Variants in AMZ2 observed in about 807,000 individuals in gnomAD.
The protein encoded by AMZ2 is archaelysin family metallopeptidase 2, also known as archaemetzincin-2.
In AMZ2, 26 loss-of-function variants were observed where a neutral mutation model predicts 36.7. The ratio of observed to expected loss-of-function variants is 0.71; its 90% CI spans 0.52 to 0.98. The LOEUF (loss-of-function observed/expected upper bound fraction) is 0.98. Ranked by LOEUF, AMZ2 falls within the 50% of genes least tolerant of loss-of-function variation. The probability of loss-of-function intolerance (pLI) is 0.00; values close to 1 mark genes in which losing one functional copy is unlikely to be tolerated. For synonymous variants in AMZ2, 144 were observed against 149.1 expected (o/e 0.97, Z 0.25); for missense variants, 394 against 430.5 (o/e 0.92, Z 0.75).
At chr17:68,247,910 T>G, upstream of AMZ2, 2 of 985,408 alleles carry the variant, frequency 2.0e-6, no homozygotes, top group Non-Finnish European at 2.4e-6. Context: ...GCTCTGCGCC[T>G]GCCCAGGCGG....
upstream of AMZ2, chr17:68,248,024 A>C (rs2074118138): frequency 4.1e-6 from 4 of 986,452 alleles, no homozygotes; most frequent in African/African-American, 1.7e-5. Context: ...GCGTGGCGCC[A>C]GTGGGCGTGG....
intron 1 of AMZ2, among the ~76,000 whole-genome samples, chr17:68,241,796 G>GGTC (rs782710110): frequency 0.22 from 32,902 of 151,404 alleles, 4,017 homozygotes; most frequent in East Asian, 0.4. Context: ...CATGATCTCA[G>GGTC]AACCTGCAAC....
At chr17:68,216,258 C>T (rs2073190375) in intron 1 of AMZ2, among the ~76,000 whole-genome samples, 1 of 152,124 alleles carries the variant, frequency 6.6e-6, no homozygotes, top group African/African-American at 2.4e-5. Flanking sequence ...CTCAGCCCCC[C>T]TAGGAGCTGG....
At chr17:68,216,419 T>A (rs12603999) in intron 1 of AMZ2, among the ~76,000 whole-genome samples, 5 of 151,852 alleles carry the variant, frequency 3.3e-5, no homozygotes, top group Non-Finnish European at 7.4e-5. Context: ...CAGGCCTGGG[T>A]CACCATGCCC....
intron 1 of AMZ2, among the ~76,000 whole-genome samples, chr17:68,207,726 G>A (rs1302314704): frequency 3.3e-5 from 5 of 152,244 alleles, no homozygotes; most frequent in African/African-American, 7.2e-5. Context: ...GGCTGTCGGC[G>A]CCTCCTCGGC....
chr17:68,210,023 AAAAAAT>A (rs1431937029), intron 1 of AMZ2, among the ~76,000 whole-genome samples: 1 of 152,202 alleles, frequency 6.6e-6, no homozygotes, highest in South Asian at 2.1e-4. Flanking sequence ...TAATGTTTAA[AAAAAAT>A]AAAAATAAAA....
Position 68,221,209 on chromosome 17 carries a change from T to TCCCC in AMZ2, c.-67+14977_-67+14980dup, listed in dbSNP as rs55937321. On this transcript the variant is annotated intron_variant, in intron 1 of 7. Coordinates refer to the AMZ2 transcript ENST00000674770. ...TGATCTTCCTGCCTCAGCCCTCAGC[T>TCCCC]CCCCCCCCCGCCCCCCCGGTAGCTA... Among the ~76,000 whole-genome samples, 171 of 66,770 alleles carry TCCCC rather than the reference T, an allele frequency of 2.6e-3. 4 individuals carry two copies. The highest frequency in any genetic ancestry group is 6.4e-3 in the African/African-American group (95 of 14,762). The allele number at this position is 66,770 out of a possible 152,430, so 43.8% of individuals were successfully genotyped here.
At chr17:68,231,690 A>G (rs1214970402) in intron 1 of AMZ2, among the ~76,000 whole-genome samples, 1 of 151,388 alleles carries the variant, frequency 6.6e-6, no homozygotes, top group Non-Finnish European at 1.5e-5. Context: ...TTTAGCATAC[A>G]GAATTACCTT....
intron 4 of AMZ2, 149 bp downstream of exon 4, chr17:68,251,327 G>C (rs2074453804): frequency 3.4e-6 from 3 of 884,274 alleles, no homozygotes; most frequent in Non-Finnish European, 5.0e-6. Context: ...GAAGTGTGCT[G>C]TTGGTAGATT....
chr17:68,243,470 CAT>C (rs2073944614), upstream of AMZ2, among the ~76,000 whole-genome samples: 1 of 152,188 alleles, frequency 6.6e-6, no homozygotes. Flanking sequence ...AGTATTCTAA[CAT>C]ATGAACATAC....
chr17:68,234,493 G>A (rs542960329), intron 1 of AMZ2, among the ~76,000 whole-genome samples: 1 of 151,964 alleles, frequency 6.6e-6, no homozygotes, highest in Non-Finnish European at 1.5e-5. Flanking sequence ...GGGTGCAGTG[G>A]CTCATGCCTG....
chr17:68,230,008 C>T (rs1262148494), intron 1 of AMZ2, among the ~76,000 whole-genome samples: 7 of 152,214 alleles, frequency 4.6e-5, no homozygotes, highest in African/African-American at 1.4e-4. Context: ...TATCCTAAGG[C>T]GTAGCCCTAG....
chr17:68,256,831 T>G lies in AMZ2; in HGVS notation c.945T>G (p.Ile315Met), dbSNP rs1191288096. 3.7e-6 allele frequency: 6 copies of G among 1,612,906 alleles called. No individual in the cohort carries two copies. Among genetic ancestry groups the G allele is most frequent in the Non-Finnish European group, 5.1e-6 (6 of 1,179,672 alleles). Reference protein sequence around the residue: ...VERYKALVRWIDDESSDTPGA... With the variant: ...VERYKALVRWMDDESSDTPGA... ...TTTTCCAGGCACTGGTGAGGTGGAT[T>G]GATGATGAATCTTCTGACACACCTG... Residue 315 changes from isoleucine to methionine, a missense_variant, in exon 7 of 7, where the codon ATT (isoleucine) becomes ATG (methionine). Physicochemically the swap from Ile to Met is conservative, Grantham distance 10. Transcript: ENST00000359904.
chr17:68,239,129 G>A (rs563210464), intron 1 of AMZ2, among the ~76,000 whole-genome samples: 2 of 152,298 alleles, frequency 1.3e-5, no homozygotes, highest in Non-Finnish European at 2.9e-5. Flanking sequence ...CAGGTTCTCT[G>A]CAGTGCAGGA....
chr17:68,236,566 CT>C (rs782220711), intron 1 of AMZ2, among the ~76,000 whole-genome samples: 10,883 of 103,152 alleles, frequency 0.11, 151 homozygotes, highest in East Asian at 0.19. Context: ...GGCAAACATC[CT>C]TTTTTTTTTT....
At chr17:68,255,571 C>A in intron 5 of AMZ2, 129 bp from the exon 6 acceptor site, 2 of 933,594 alleles carry the variant, frequency 2.1e-6, no homozygotes, top group Non-Finnish European at 3.2e-6. Flanking sequence ...AAGGTCTGGA[C>A]AGGGTGAAGT....
chr17:68,234,972 G>T (rs2073752861), intron 1 of AMZ2, among the ~76,000 whole-genome samples: 1 of 152,042 alleles, frequency 6.6e-6, no homozygotes. Context: ...CCGAGATTGT[G>T]CCATTGCACT....
intron 1 of AMZ2, among the ~76,000 whole-genome samples, chr17:68,234,884 G>A (rs1448868864): frequency 2.0e-5 from 3 of 151,932 alleles, no homozygotes; most frequent in South Asian, 2.1e-4. Context: ...GCATTGCGGC[G>A]GGTGCCTGTA....
chr17:68,256,538 T>C (rs2074917850), intron 6 of AMZ2, among the ~76,000 whole-genome samples: 1 of 152,270 alleles, frequency 6.6e-6, no homozygotes, highest in East Asian at 1.9e-4. Context: ...AATAACATCC[T>C]ATTATGCTAG....
Sources: allele counts gnomAD v4.1 joint callset (sites outside exome capture counted in the v4.1 genomes callset), GRCh38; gene constraint gnomAD v4.1.1; transcripts MANE v1.5; gene names NCBI Gene and HGNC (gene_info 2026-07-23, HGNC 2026-07-21).